SOAT1: variants seen among roughly 807,000 people sequenced by gnomAD.
SOAT1 encodes the protein acyl-coenzyme A:cholesterol acyltransferase 1.
In SOAT1, 55 loss-of-function variants were observed where a neutral mutation model predicts 69.5. The observed-to-expected ratio is 0.79, with a 90% CI of 0.64 to 0.99. SOAT1 has a LOEUF of 0.99. Ranked by LOEUF, SOAT1 falls within the 50% of genes least tolerant of loss-of-function variation. The probability of loss-of-function intolerance (pLI) is 0.00; values close to 1 mark genes in which losing one functional copy is unlikely to be tolerated. For synonymous variants in SOAT1, 231 were observed against 224.7 expected (o/e 1.03, Z -0.25); for missense variants, 580 against 669.3 (o/e 0.87, Z 1.47).
In SOAT1 at chr1:179,355,686, G is replaced by C. The variant is rs1666881463; in HGVS notation, c.*2045G>C. On this transcript the variant is annotated 3_prime_UTR_variant, in exon 16 of 16. Transcript: ENST00000367619. Reference sequence around the variant, plus strand: ...GCCTCCTGAGTAGCTGGGATTACAGGGCCACGCCTGGCTAATTTTTGTATT... The same window carrying C: ...GCCTCCTGAGTAGCTGGGATTACAGCGCCACGCCTGGCTAATTTTTGTATT... 1 of 152,378 alleles carries C rather than the reference G, an allele frequency of 6.6e-6. No homozygotes were observed. Among genetic ancestry groups the C allele is most frequent in the African/African-American group, 2.4e-5 (1 of 41,362 alleles). The allele number at this position is 152,378 out of a possible 1,614,324, so 9.4% of individuals were successfully genotyped here.
intron 15 of SOAT1, 143 bp from the exon 16 acceptor site, chr1:179,353,442 C>A: frequency 2.8e-6 from 2 of 705,298 alleles, no homozygotes. Context: ...AATTAGTGAG[C>A]TGCTTATACC....
In SOAT1 at chr1:179,341,155, GGCTATA is replaced by G; in HGVS notation, c.628_633del (p.Tyr210_Ser211del). 1 of 1,614,018 alleles carries G rather than the reference GGCTATA, an allele frequency of 6.2e-7. No individual in the cohort carries two copies. The highest frequency in any genetic ancestry group is 2.2e-5 in the East Asian group (1 of 44,880). On this transcript the variant is annotated inframe_deletion, in exon 7 of 16. Transcript: ENST00000367619. ...TTTTCTGTTTCAACATTGGGCCACTGGCTATAGCAAGAGTTCTCATCCGCTGATCCG... is the reference window on the plus strand; with the variant it reads ...TTTTCTGTTTCAACATTGGGCCACTGGCAAGAGTTCTCATCCGCTGATCCG...
chr1:179,313,605 A>G (rs1665295144), intron 2 of SOAT1, among the ~76,000 whole-genome samples: 1 of 151,034 alleles, frequency 6.6e-6, no homozygotes, highest in Admixed American at 6.7e-5. Flanking sequence ...TTTTTTTTAG[A>G]CAGAGTTTTG....
intron 2 of SOAT1, among the ~76,000 whole-genome samples, chr1:179,321,792 A>C (rs1665614607): frequency 6.6e-6 from 1 of 151,990 alleles, no homozygotes; most frequent in Admixed American, 6.6e-5. Context: ...TTGAAACTTC[A>C]ATTTTTTTTT....
rs200508936 is a variant in SOAT1, at chr1:179,302,680, A to G, written c.-5A>G. Reference sequence around the variant, plus strand: ...CTTTTTACACCTTCTTTCCTAGACAATACAATGGTGGGTGAAGAGAAGATG... The same window carrying G: ...CTTTTTACACCTTCTTTCCTAGACAGTACAATGGTGGGTGAAGAGAAGATG... On this transcript the variant is annotated 5_prime_UTR_variant, in exon 2 of 16. Transcript: ENST00000367619. 2.0e-5 allele frequency: 32 copies of G among 1,591,968 alleles called. No individual in the cohort carries two copies. The highest frequency in any genetic ancestry group is 4.1e-5 in the African/African-American group (3 of 73,612).
Position 179,335,667 on chromosome 1 carries a change from T to C in SOAT1, c.329+10T>C, listed in dbSNP as rs776330433. 6.2e-7 allele frequency: 1 copy of C among 1,604,376 alleles called. No individual in the cohort carries two copies. The highest frequency in any genetic ancestry group is 8.5e-7 in the Non-Finnish European group (1 of 1,175,818). On this transcript the variant is annotated intron_variant, in intron 4 of 15. Coordinates refer to ENST00000367619, the MANE Select transcript of SOAT1 (RefSeq NM_003101.6). ...ACAACCATAGAGCGAAGTAAGTATG[T>C]GCTATTTTCTTTTAATGCAAACATC... is the stretch of plus-strand genomic sequence containing the variant.
chr1:179,334,670 C>T (rs1037169142), intron 3 of SOAT1, among the ~76,000 whole-genome samples: 1 of 151,936 alleles, frequency 6.6e-6, no homozygotes, highest in Non-Finnish European at 1.5e-5. Context: ...CATTCTGTAC[C>T]GTCTGAGGTG....
intron 5 of SOAT1, among the ~76,000 whole-genome samples, chr1:179,338,453 C>T (rs769358625): frequency 2.0e-5 from 3 of 152,126 alleles, no homozygotes; most frequent in African/African-American, 4.8e-5. Flanking sequence ...TTTAAAAAGA[C>T]ATCTTATGCT....
At chr1:179,318,716 T>C (rs533277516) in intron 2 of SOAT1, among the ~76,000 whole-genome samples, 1 of 152,344 alleles carries the variant, frequency 6.6e-6, no homozygotes, top group African/African-American at 2.4e-5. Flanking sequence ...GATCATACGA[T>C]ATGTAGTCTT....
At chr1:179,321,367 G>T (rs1665595515) in intron 2 of SOAT1, among the ~76,000 whole-genome samples, 1 of 151,966 alleles carries the variant, frequency 6.6e-6, no homozygotes, top group Admixed American at 6.6e-5. Context: ...ATAGGGTCTT[G>T]CTACATTGCC....
intron 2 of SOAT1, among the ~76,000 whole-genome samples, chr1:179,319,973 C>T (rs1474837578): frequency 6.6e-6 from 1 of 151,938 alleles, no homozygotes; most frequent in Non-Finnish European, 1.5e-5. Flanking sequence ...GATACAAGTC[C>T]CTAATCAGAT....
rs751837887 is a variant in SOAT1 at position 179,351,439 on chromosome 1, C to T, written c.1573C>T (p.Arg525Cys). ...CTTTTATTCTCAAGAATGGTATGCACGTCAGCACTGTCCTCTGAAAAATGT... is the reference window on the plus strand; with the variant it reads ...CTTTTATTCTCAAGAATGGTATGCATGTCAGCACTGTCCTCTGAAAAATGT... Reference protein sequence around the residue: ...LCFYSQEWYARQHCPLKNPTF... With the variant: ...LCFYSQEWYACQHCPLKNPTF... The change falls in exon 15 of 16, where the codon CGT becomes TGT. Residue 525 changes from arginine to cysteine, a missense_variant. Arg to Cys is a radical substitution (Grantham distance 180). Coordinates refer to ENST00000367619, the MANE Select transcript of SOAT1 (RefSeq NM_003101.6). The T allele has an allele frequency of 3.1e-6, 5 of 1,613,824 alleles. No individual in the cohort carries two copies. Among genetic ancestry groups the T allele is most frequent in the South Asian group, 1.1e-5 (1 of 90,994 alleles).
At chr1:179,343,010 T>TA in intron 9 of SOAT1, 67 bp downstream of exon 9, 1 of 1,204,138 alleles carries the variant, frequency 8.3e-7, no homozygotes, top group African/African-American at 1.5e-5. Flanking sequence ...GTGGGATAGG[T>TA]AAACAGGGGC....
chr1:179,308,298 C>T (rs549881384), intron 2 of SOAT1, among the ~76,000 whole-genome samples: 5 of 152,236 alleles, frequency 3.3e-5, no homozygotes, highest in East Asian at 1.9e-4. Context: ...TATCTTCTTG[C>T]ATATACAGGC....
intron 7 of SOAT1, 29 bp from the exon 8 acceptor site, chr1:179,342,085 G>T (rs1041027187): frequency 6.2e-7 from 1 of 1,612,618 alleles, no homozygotes. Flanking sequence ...TTTCTTTGAA[G>T]AGACATCTTT....
chr1:179,306,598 C>T (rs544238155), intron 2 of SOAT1, among the ~76,000 whole-genome samples: 2 of 151,908 alleles, frequency 1.3e-5, no homozygotes, highest in East Asian at 1.9e-4. Flanking sequence ...TTTGGGAGGC[C>T]GAGGTGGGCA....
At chr1:179,336,227 G>A (rs1017927492) in intron 4 of SOAT1, among the ~76,000 whole-genome samples, 4 of 151,112 alleles carry the variant, frequency 2.6e-5, no homozygotes, top group African/African-American at 9.7e-5. Flanking sequence ...CTTTGGGAGG[G>A]CGAGGCGGGT....
Position 179,356,424 on chromosome 1 carries a change from G to A in SOAT1, c.*2783G>A, listed in dbSNP as rs912102662. On this transcript the variant is annotated 3_prime_UTR_variant, in exon 16 of 16. Coordinates refer to ENST00000367619, the MANE Select transcript of SOAT1 (RefSeq NM_003101.6). The stretch of plus-strand genomic sequence containing the variant: ...ATACTAAAACTTTGCAGGTAAAGTT[G>A]CTTGCCTCATGTTAGAATTTAATTA... The A allele has an allele frequency of 7.0e-6, 1 of 142,722 alleles. No individual in the cohort carries two copies. 8.8% of individuals were successfully genotyped at this position (142,722 alleles called of 1,614,324 possible).
At position 179,309,447 on chromosome 1, in the gene SOAT1, T is replaced by A. The variant is rs554907966; in HGVS notation, c.118+6645T>A. On this transcript the variant is annotated intron_variant, in intron 2 of 15. Coordinates refer to ENST00000367619, the MANE Select transcript of SOAT1 (RefSeq NM_003101.6). ...TTTTGCATTTAAAATTTAGACATTA[T>A]CAAATTTCCTTTAAAAAATGTTATG... Among the ~76,000 whole-genome samples the A allele has an allele frequency of 1.9e-3, 284 of 152,300 alleles. 10 individuals are homozygous for A. The South Asian group carries it at 0.057, about 30-fold the overall frequency.
Sources: allele counts gnomAD v4.1 joint callset (sites outside exome capture counted in the v4.1 genomes callset), GRCh38; gene constraint gnomAD v4.1.1; transcripts MANE v1.5; gene names NCBI Gene and HGNC (gene_info 2026-07-23, HGNC 2026-07-21).